The following ERBB4 variants were observed in gnomAD, a reference collection of about 807,000 sequenced individuals.
ERBB4 encodes the protein receptor tyrosine-protein kinase erbB-4.
Under a neutral mutation model 158.0 loss-of-function variants are expected in ERBB4, and 42 were observed. That is an observed-to-expected ratio of 0.27 (90% confidence interval 0.21 to 0.34). The LOEUF (loss-of-function observed/expected upper bound fraction) is 0.34. Among genes scored for constraint, ERBB4 ranks in the 10% least tolerant of loss-of-function variants. The pLI is 1.00. For synonymous variants in ERBB4, 583 were observed against 558.7 expected (o/e 1.04, Z -0.61); for missense variants, 1,333 against 1,624.1 (o/e 0.82, Z 3.08).
chr2:212,268,882 T>A (rs900989252), intron 1 of ERBB4, among the ~76,000 whole-genome samples: 1 of 151,858 alleles, frequency 6.6e-6, no homozygotes, highest in Non-Finnish European at 1.5e-5. Flanking sequence ...ACTTTGTTCC[T>A]TTTTTATTGA....
At chr2:212,493,861 T>C (rs1050495099) in intron 1 of ERBB4, among the ~76,000 whole-genome samples, 6 of 151,796 alleles carry the variant, frequency 4.0e-5, no homozygotes, top group African/African-American at 1.4e-4. Flanking sequence ...CATTTAACTT[T>C]GGACTTTTTA....
At chr2:211,679,969 T>TG (rs1467180993) in intron 12 of ERBB4, among the ~76,000 whole-genome samples, 1 of 152,204 alleles carries the variant, frequency 6.6e-6, no homozygotes, top group Admixed American at 6.5e-5. Flanking sequence ...CGTGAGGCAC[T>TG]GCGCCAACCA....
intron 16 of ERBB4, among the ~76,000 whole-genome samples, chr2:211,640,724 G>A (rs2070547919): frequency 6.6e-6 from 1 of 152,106 alleles, no homozygotes; most frequent in African/African-American, 2.4e-5. Flanking sequence ...AGATATGCAA[G>A]AAAATTAGTT....
intron 2 of ERBB4, among the ~76,000 whole-genome samples, chr2:212,111,571 A>T (rs1351619679): frequency 6.6e-6 from 1 of 152,038 alleles, no homozygotes; most frequent in Non-Finnish European, 1.5e-5. Flanking sequence ...TAGAATTTTT[A>T]AAAAGGAGAG....
chr2:211,584,443 T>C (rs2068201750), intron 19 of ERBB4, among the ~76,000 whole-genome samples: 1 of 152,100 alleles, frequency 6.6e-6, no homozygotes, highest in South Asian at 2.1e-4. Flanking sequence ...GACTCCTATA[T>C]GACATTTTTC....
At chr2:211,574,440 A>C (rs2067832846) in intron 19 of ERBB4, among the ~76,000 whole-genome samples, 1 of 152,214 alleles carries the variant, frequency 6.6e-6, no homozygotes, top group Admixed American at 6.5e-5. Context: ...AATCAATAAC[A>C]ATATGGAACA....
At chr2:211,566,821 A>C (rs2067563300) in intron 19 of ERBB4, among the ~76,000 whole-genome samples, 1 of 148,914 alleles carries the variant, frequency 6.7e-6, no homozygotes, top group African/African-American at 2.6e-5. Context: ...ATTTATACTT[A>C]TGTTATTTCT....
chr2:212,088,309 T>A (rs1338905297), intron 2 of ERBB4, among the ~76,000 whole-genome samples: 1 of 152,154 alleles, frequency 6.6e-6, no homozygotes, highest in African/African-American at 2.4e-5. Flanking sequence ...AAGGAAATTT[T>A]AAACCACTTT....
intron 1 of ERBB4, chr2:212,426,396 TCA>T (rs2091913875): frequency 2.4e-6 from 1 of 423,728 alleles, no homozygotes; most frequent in African/African-American, 2.2e-5. Flanking sequence ...ATCTCTTTCG[TCA>T]CACATTTTCT....
chr2:212,326,326 A>G (rs1175315005), intron 1 of ERBB4, among the ~76,000 whole-genome samples: 2 of 150,828 alleles, frequency 1.3e-5, no homozygotes, highest in Non-Finnish European at 3.0e-5. Context: ...GAAATACAAT[A>G]CATTTTAAAG....
chr2:212,455,582 G>A (rs562472967), intron 1 of ERBB4, among the ~76,000 whole-genome samples: 30 of 151,924 alleles, frequency 2.0e-4, no homozygotes, highest in Non-Finnish European at 3.2e-4. Flanking sequence ...GTTTTGCTGT[G>A]TACTCAGCTC....
intron 4 of ERBB4, among the ~76,000 whole-genome samples, chr2:211,773,965 C>A (rs1172925116): frequency 2.0e-5 from 3 of 151,812 alleles, no homozygotes; most frequent in African/African-American, 7.3e-5. Flanking sequence ...GTGCTGTTAT[C>A]CCTAGGGTAA....
In ERBB4 at chr2:212,268,909, GA is replaced by G. The variant is rs369669441; in HGVS notation, c.83-144007del. On this transcript the variant is annotated intron_variant, in intron 1 of 27. Coordinates refer to ENST00000342788, the MANE Select transcript of ERBB4 (RefSeq NM_005235.3). ...TTTTATTGAATTATCATACCAGAAA[GA>G]AACACTAGTAGTACTCAAAATAATT... Among the ~76,000 whole-genome samples the G allele has an allele frequency of 5.1e-3, 774 of 151,808 alleles. 4 individuals carry two copies. The highest frequency in any genetic ancestry group is 0.017 in the Middle Eastern group (5 of 294).
intron 1 of ERBB4, among the ~76,000 whole-genome samples, chr2:212,326,568 C>A (rs1395366996): frequency 6.6e-6 from 1 of 150,704 alleles, no homozygotes; most frequent in Non-Finnish European, 1.5e-5. Flanking sequence ...GGAGACAGAG[C>A]ATCTCATATC....
At chr2:212,237,873 A>G (rs1235444973) in intron 1 of ERBB4, among the ~76,000 whole-genome samples, 1 of 152,142 alleles carries the variant, frequency 6.6e-6, no homozygotes, top group Non-Finnish European at 1.5e-5. Flanking sequence ...CTTTGTTTAC[A>G]CTGTGAGGGG....
At chr2:211,466,800 G>A (rs937562773) in intron 20 of ERBB4, among the ~76,000 whole-genome samples, 2 of 151,982 alleles carry the variant, frequency 1.3e-5, no homozygotes, top group African/African-American at 2.4e-5. Context: ...CTTCCAAATG[G>A]TAATGCTCCA....
At chr2:211,816,068 C>T (rs1463230948) in intron 3 of ERBB4, among the ~76,000 whole-genome samples, 1 of 152,096 alleles carries the variant, frequency 6.6e-6, no homozygotes, top group Non-Finnish European at 1.5e-5. Context: ...TTCTCTCTTT[C>T]CCCAGCTTGC....
intron 5 of ERBB4, among the ~76,000 whole-genome samples, chr2:211,750,317 C>T (rs1559484614): frequency 2.0e-5 from 3 of 152,072 alleles, no homozygotes; most frequent in Non-Finnish European, 4.4e-5. Flanking sequence ...ACCCAGTTAA[C>T]CTGAAATTGA....
intron 3 of ERBB4, among the ~76,000 whole-genome samples, chr2:211,858,819 G>T (rs2077938186): frequency 6.6e-6 from 1 of 152,068 alleles, no homozygotes; most frequent in Non-Finnish European, 1.5e-5. Flanking sequence ...GTCTTGCTCT[G>T]TCGCCTGGGC....
Sources: allele counts gnomAD v4.1 joint callset (sites outside exome capture counted in the v4.1 genomes callset), GRCh38; gene constraint gnomAD v4.1.1; transcripts MANE v1.5; gene names NCBI Gene and HGNC (gene_info 2026-07-23, HGNC 2026-07-21).